The following CROCC2 variants were observed in gnomAD, a reference collection of about 807,000 sequenced individuals.
CROCC2 encodes ciliary rootlet coiled-coil protein 2.
Under a neutral mutation model 177.6 loss-of-function variants are expected in CROCC2, and 163 were observed. That is an observed-to-expected ratio of 0.92 (90% CI 0.81 to 1.05). The LOEUF (loss-of-function observed/expected upper bound fraction) is 1.05. Ranked by LOEUF, CROCC2 falls within the 50% of genes least tolerant of loss-of-function variation. CROCC2 has a pLI of 0.00. For synonymous variants in CROCC2, 904 were observed against 787.3 expected, an observed-to-expected ratio of 1.15 and a Z score of -2.48; for missense variants, 1,929 against 1,797.8, an observed-to-expected ratio of 1.07 and a Z score of -1.32.
At chr2:240,956,890 T>C (rs977728298) in intron 19 of CROCC2, among the ~76,000 whole-genome samples, 3 of 151,806 alleles carry the variant, frequency 2.0e-5, no homozygotes, top group Non-Finnish European at 4.4e-5. Flanking sequence ...AGCCCAGCGA[T>C]AGGACATAGA....
rs956456580 is a variant in CROCC2 at position 240,935,414 on chromosome 2, G to A, written c.1995G>A (p.Arg665=). The A allele has an allele frequency of 1.6e-4, 218 of 1,378,888 alleles. No homozygotes were observed. Among genetic ancestry groups the A allele is most frequent in the Non-Finnish European group, 1.9e-4 (198 of 1,060,990 alleles). 85.4% of individuals were successfully genotyped at this position (1,378,888 alleles called of 1,614,324 possible). A position where few individuals can be genotyped will look rare whatever the true frequency, so the allele number is the denominator to read the frequency against. The change falls in exon 14 of 32, where the codon CGG becomes CGA. Residue 665 remains arginine (R), a synonymous_variant. Transcript: ENST00000690015. ...AGCGGAAGACTCTGGAGCAGGAACG[G>A]GCCCGGGCCGGGGAGCAGCTGGCAC... ...REQRKTLEQE[R]ARAGEQLAQA...
In CROCC2 at chr2:240,942,890, A is replaced by G. The variant is rs573239565; in HGVS notation, c.2170-3170A>G. ...TTTTATTATCTTTATTTCAGATAGG[A>G]CTTTCAAAAGTACTATCTGACTTCT... is the stretch of plus-strand genomic sequence containing the variant. On this transcript the variant is annotated intron_variant, in intron 14 of 31. Transcript: ENST00000690015. Among the ~76,000 whole-genome samples the G allele has an allele frequency of 2.0e-5, 3 of 152,164 alleles. No homozygotes were observed. In the South Asian group the frequency reaches 6.2e-4, roughly 32 times the overall value.
At chr2:240,947,256 G>T (rs1480351976) in intron 15 of CROCC2, among the ~76,000 whole-genome samples, 1 of 152,238 alleles carries the variant, frequency 6.6e-6, no homozygotes, top group African/African-American at 2.4e-5. Context: ...GGCTGCTGCG[G>T]GTTGGGCTCC....
rs536754887 is a variant in CROCC2 at position 240,972,892 on chromosome 2, C to A, written c.4401+4630C>A. Among the ~76,000 whole-genome samples, 1 of 152,056 alleles carries A rather than the reference C, an allele frequency of 6.6e-6. No homozygotes were observed. Among genetic ancestry groups the A allele is most frequent in the Non-Finnish European group, 1.5e-5 (1 of 68,036 alleles). On this transcript the variant is annotated intron_variant, in intron 27 of 31. Coordinates refer to ENST00000690015, the MANE Select transcript of CROCC2 (RefSeq NM_001351305.2). This position sits in a 1 kb window ranked among gnomAD's most constrained non-coding sequence, Gnocchi z 7.1. ...ACACACCTAAGTCACCAGAGGCCCC[C>A]GCTTTTGACACACAGCAAACCCAGG... is the stretch of plus-strand genomic sequence containing the variant.
intron 1 of CROCC2, among the ~76,000 whole-genome samples, chr2:240,907,365 C>T (rs2059262563): frequency 1.3e-5 from 2 of 152,122 alleles, no homozygotes; most frequent in African/African-American, 4.8e-5. Flanking sequence ...GATATCCCTC[C>T]TCCCTGCACT....
chr2:240,954,420 A>C (rs1416693068), intron 18 of CROCC2, among the ~76,000 whole-genome samples: 1 of 152,204 alleles, frequency 6.6e-6, no homozygotes, highest in Non-Finnish European at 1.5e-5. Flanking sequence ...CACTAGAATG[A>C]CTCACAGAAC....
chr2:240,933,005 C>G lies in CROCC2; in HGVS notation c.1251+97C>G, dbSNP rs2059444363. On this transcript the variant is annotated intron_variant, in intron 9 of 31. Transcript: ENST00000690015. ...TAGTTATGGGGCCTGCCCCTGAGCC[C>G]CATGGCTCCAGGGAGGGGCCCCAGT... The G allele has an allele frequency of 2.7e-6, 4 of 1,507,670 alleles. No homozygotes were observed. In the South Asian group the frequency reaches 4.9e-5, roughly 18 times the overall value. The allele number at this position is 1,507,670 out of a possible 1,614,324, so 93.4% of individuals were successfully genotyped here. A position where few individuals can be genotyped will look rare whatever the true frequency, so the allele number is the denominator to read the frequency against.
At chr2:240,935,307 G>A in intron 13 of CROCC2, 51 bp from the exon 14 acceptor site, 1 of 1,326,968 alleles carries the variant, frequency 7.5e-7, no homozygotes, top group Middle Eastern at 2.3e-4. Flanking sequence ...CTGGCCTACA[G>A]GGACCGAGGA....
intron 5 of CROCC2, among the ~76,000 whole-genome samples, chr2:240,926,779 G>A (rs1482679249): frequency 1.3e-5 from 2 of 152,272 alleles, no homozygotes; most frequent in Non-Finnish European, 2.9e-5. Flanking sequence ...AGACAAACCA[G>A]CCGAGGTTTA....
At position 240,988,949 on chromosome 2, in the gene CROCC2, C is replaced by A. The variant is rs2059858716; in HGVS notation, c.4683+79C>A. 6 of 1,309,564 alleles carry A rather than the reference C, an allele frequency of 4.6e-6. No individual in the cohort carries two copies. The Admixed American group carries it at 1.8e-4, about 39-fold the overall frequency. 81.1% of individuals were successfully genotyped at this position (1,309,564 alleles called of 1,614,324 possible). The stretch of plus-strand genomic sequence containing the variant: ...GTGGGATCCAGGAGGGTGTCAGTTC[C>A]AGAGGGGTGGCTGGTGTACCTCCAT... On this transcript the variant is annotated intron_variant, in intron 29 of 31. Coordinates refer to ENST00000690015, the MANE Select transcript of CROCC2 (RefSeq NM_001351305.2).
Position 240,949,128 on chromosome 2 carries a change from C to G in CROCC2, c.2482+31C>G, listed in dbSNP as rs1318993778. 1 of 1,496,586 alleles carries G rather than the reference C, an allele frequency of 6.7e-7. No homozygotes were observed. The allele number at this position is 1,496,586 out of a possible 1,614,324, so 92.7% of individuals were successfully genotyped here. A position where few individuals can be genotyped will look rare whatever the true frequency, so the allele number is the denominator to read the frequency against. On this transcript the variant is annotated intron_variant, in intron 16 of 31. Transcript: ENST00000690015. This position sits in a 1 kb window ranked among gnomAD's most constrained non-coding sequence, Gnocchi z 4.5. ...CCAAGGGCGCTCCCTCAGCTCCTTC[C>G]CCGAAAGTCAGCCATGGAGGGGCCC...
At chr2:240,974,673 A>G (rs1485694870) in intron 27 of CROCC2, among the ~76,000 whole-genome samples, 1 of 150,928 alleles carries the variant, frequency 6.6e-6, no homozygotes, top group East Asian at 1.9e-4. Context: ...CCCAGCCAAC[A>G]CCCTCTTTTT....
rs969558974 is a variant in CROCC2, at chr2:240,934,919, G to T, written c.1795G>T (p.Glu599Ter). 1.1e-5 allele frequency: 16 copies of T among 1,512,218 alleles called. No individual in the cohort carries two copies. Among genetic ancestry groups the T allele is most frequent in the African/African-American group, 1.4e-5 (1 of 70,744 alleles). 93.7% of individuals were successfully genotyped at this position (1,512,218 alleles called of 1,614,324 possible). The change falls in exon 13 of 32, where the codon GAG becomes TAG. Residue 599 changes from glutamate (E) to a stop codon, truncating the protein, a stop_gained. Coordinates refer to ENST00000690015, the MANE Select transcript of CROCC2 (RefSeq NM_001351305.2). LOFTEE classifies it high-confidence loss of function. ...GGCATCCCCCTCCCTGCCCCAGGCC[G>T]AGTGCAGCAATGCGGACCTGGAGCT... Reference protein sequence around the residue: ...EGLRSALARAECSNADLELLV... With the variant: ...EGLRSALARA
intron 30 of CROCC2, 148 bp downstream of exon 30, chr2:240,989,981 C>T (rs533114306): frequency 2.4e-5 from 17 of 711,894 alleles, no homozygotes; most frequent in Middle Eastern, 4.3e-4. Flanking sequence ...AGACCTGCTC[C>T]GGGCACTGCC....
intron 20 of CROCC2, among the ~76,000 whole-genome samples, chr2:240,962,939 AC>A (rs1417646662): frequency 6.6e-6 from 1 of 151,758 alleles, no homozygotes; most frequent in Non-Finnish European, 1.5e-5. Context: ...GGAAACCAAG[AC>A]CCTCCTCCCA....
chr2:240,919,921 C>T, intron 2 of CROCC2, 62 bp from the exon 3 acceptor site: 1 of 674,500 alleles, frequency 1.5e-6, no homozygotes, highest in South Asian at 1.5e-5. Flanking sequence ...GGAGACAGGG[C>T]ACAAGGCTGA....
At chr2:240,963,296 C>T (rs545488580) in intron 20 of CROCC2, 37 of 503,992 alleles carry the variant, frequency 7.3e-5, no homozygotes, top group Non-Finnish European at 7.8e-5. Context: ...CCAGAGAGGC[C>T]GCAGCGTGGG....
intron 11 of CROCC2, among the ~76,000 whole-genome samples, chr2:240,934,102 G>A (rs1261407956): frequency 1.3e-5 from 2 of 152,086 alleles, no homozygotes; most frequent in African/African-American, 2.4e-5. Context: ...CCCATCAGAT[G>A]TGGGGCCCCA....
In CROCC2 at chr2:240,920,044, G is replaced by A; in HGVS notation, c.291G>A (p.Gln97=). Residue 97 remains glutamine (Q), a synonymous_variant, in exon 3 of 32, where the codon CAG becomes CAA. Transcript: ENST00000690015. ...TGCAAGAGGAGAACGAGCTCCTGCA[G>A]GAGGAGCTGACCCGGCTGGGGGACC... ...ARVQEENELL[Q]EELTRLGDLL... is the part of the protein sequence containing the mutation. 1 of 716,464 alleles carries A rather than the reference G, an allele frequency of 1.4e-6. No homozygotes were observed. Among genetic ancestry groups the A allele is most frequent in the South Asian group, 1.5e-5 (1 of 67,580 alleles). 44.4% of individuals were successfully genotyped at this position (716,464 alleles called of 1,614,324 possible).
Sources: allele counts gnomAD v4.1 joint callset (sites outside exome capture counted in the v4.1 genomes callset), GRCh38; gene constraint gnomAD v4.1.1; non-coding constraint Gnocchi (gnomAD v3.1); transcripts MANE v1.5; gene names NCBI Gene and HGNC (gene_info 2026-07-23, HGNC 2026-07-21).